RUFY2: variants seen among roughly 807,000 people sequenced by gnomAD.
The protein encoded by RUFY2 is RUN and FYVE domain-containing protein 2.
A neutral mutation model predicts 94.4 loss-of-function variants in RUFY2; 49 were observed. The observed-to-expected ratio is 0.52, with a 90% CI of 0.41 to 0.66. RUFY2 has a LOEUF of 0.66. Among genes scored for constraint, RUFY2 ranks in the 30% least tolerant of loss-of-function variants. RUFY2 has a pLI of 0.00. For synonymous variants in RUFY2, 255 were observed against 235.7 expected (o/e 1.08, Z -0.75); for missense variants, 541 against 692.8 (o/e 0.78, Z 2.46).
downstream of RUFY2, chr10:68,341,181 C>T: frequency 6.4e-7 from 1 of 1,559,922 alleles, no homozygotes; most frequent in Non-Finnish European, 8.6e-7. Context: ...TAGTTCTTCT[C>T]ACCACTAAAT....
At position 68,405,983 on chromosome 10, in the gene RUFY2, A is replaced by G. The variant is rs191754123; in HGVS notation, c.5-1139T>C. ...TATTGTCCTCCTTCCCGCAAATTTTATTCTCAGTTTACTTAGAAATTCAGA... is the reference window on the plus strand; with the variant it reads ...TATTGTCCTCCTTCCCGCAAATTTTGTTCTCAGTTTACTTAGAAATTCAGA... On this transcript the variant is annotated intron_variant, in intron 1 of 17. Coordinates refer to ENST00000602465, the MANE Select transcript of RUFY2 (RefSeq NM_001330103.2). 1.4e-3 allele frequency among the ~76,000 whole-genome samples: 212 copies of G among 152,294 alleles called. 1 individual carries two copies. The highest frequency in any genetic ancestry group is 3.7e-4 in the Non-Finnish European group (25 of 68,006).
At chr10:68,351,794 C>T (rs1277166021) in intron 16 of RUFY2, among the ~76,000 whole-genome samples, 2 of 149,812 alleles carry the variant, frequency 1.3e-5, no homozygotes, top group Non-Finnish European at 3.0e-5. Context: ...AGGTGGCTCA[C>T]GCCTGTAATC....
chr10:68,403,224 G>A (rs1004665987), intron 2 of RUFY2, among the ~76,000 whole-genome samples: 17 of 149,526 alleles, frequency 1.1e-4, no homozygotes, highest in Admixed American at 8.7e-4. Context: ...AAAAAAAACA[G>A]AAAAGGGATA....
At chr10:68,376,793 GC>G in intron 13 of RUFY2, 59 bp downstream of exon 13, 1 of 1,477,786 alleles carries the variant, frequency 6.8e-7, no homozygotes, top group Non-Finnish European at 9.4e-7. Context: ...ATCATTATGT[GC>G]AAAAAAATGA....
chr10:68,366,870 A>AT (rs2047886428), intron 13 of RUFY2, among the ~76,000 whole-genome samples: 2 of 136,588 alleles, frequency 1.5e-5, no homozygotes, highest in Non-Finnish European at 3.1e-5. Context: ...ATATTAAATA[A>AT]ATATATATAT....
At chr10:68,397,007 G>A (rs1564847609) in intron 3 of RUFY2, 126 bp from the exon 4 acceptor site, 5 of 616,392 alleles carry the variant, frequency 8.1e-6, no homozygotes, top group Non-Finnish European at 1.4e-5. Flanking sequence ...ATTTTTATAG[G>A]TTTATCTTTT....
At chr10:68,366,631 A>C (rs148310344) in intron 13 of RUFY2, among the ~76,000 whole-genome samples, 1 of 149,020 alleles carries the variant, frequency 6.7e-6, no homozygotes, top group African/African-American at 2.5e-5. Context: ...AATCCCAGCT[A>C]TTCAGGAGGC....
At chr10:68,403,304 T>G (rs1381085521) in intron 2 of RUFY2, among the ~76,000 whole-genome samples, 1 of 151,970 alleles carries the variant, frequency 6.6e-6, no homozygotes, top group African/African-American at 2.4e-5. Flanking sequence ...TGGGCTGGAA[T>G]GCAGTGGCAC....
intron 1 of RUFY2, chr10:68,405,425 G>A (rs932169739): frequency 2.1e-6 from 2 of 956,318 alleles, no homozygotes; most frequent in African/African-American, 1.8e-5. Context: ...CCATTCTCCT[G>A]TATTTAACTT....
chr10:68,407,056 T>C, intron 1 of RUFY2, 130 bp downstream of exon 1: 7 of 1,471,926 alleles, frequency 4.8e-6, no homozygotes, highest in Non-Finnish European at 6.3e-6. Flanking sequence ...TCCCCGCCCA[T>C]CCTGGGTTCG....
chr10:68,380,243 T>C (rs2048958529), intron 11 of RUFY2, among the ~76,000 whole-genome samples: 4 of 151,970 alleles, frequency 2.6e-5, no homozygotes, highest in Non-Finnish European at 5.9e-5. Context: ...CTGGCCTCTA[T>C]TAGTCCTCAT....
chr10:68,389,164 A>T (rs1255865608), intron 7 of RUFY2, among the ~76,000 whole-genome samples: 1 of 152,142 alleles, frequency 6.6e-6, no homozygotes, highest in Non-Finnish European at 1.5e-5. Flanking sequence ...GCCTCCTAAC[A>T]TGCTAGATTA....
At chr10:68,375,431 A>T (rs923870688) in intron 13 of RUFY2, among the ~76,000 whole-genome samples, 1 of 151,904 alleles carries the variant, frequency 6.6e-6, no homozygotes, top group Non-Finnish European at 1.5e-5. Flanking sequence ...TTACCTAGTA[A>T]CAAGACTTCA....
chr10:68,384,497 T>G (rs752270021), intron 8 of RUFY2, among the ~76,000 whole-genome samples: 1 of 152,186 alleles, frequency 6.6e-6, no homozygotes, highest in East Asian at 1.9e-4. Flanking sequence ...TAGAGAAATA[T>G]GCATTAAATA....
intron 16 of RUFY2, among the ~76,000 whole-genome samples, chr10:68,350,969 C>T (rs985818953): frequency 6.6e-6 from 1 of 152,072 alleles, no homozygotes; most frequent in Non-Finnish European, 1.5e-5. Flanking sequence ...CCTCGGCCTC[C>T]TAAAGTGCTG....
At chr10:68,401,300 C>T (rs1300999038) in intron 3 of RUFY2, among the ~76,000 whole-genome samples, 2 of 152,126 alleles carry the variant, frequency 1.3e-5, no homozygotes, top group Non-Finnish European at 2.9e-5. Flanking sequence ...TACTGACTTT[C>T]TACTACAGGC....
intron 3 of RUFY2, among the ~76,000 whole-genome samples, chr10:68,400,317 CAAAAT>C (rs1301802354): frequency 4.6e-5 from 7 of 150,942 alleles, no homozygotes; most frequent in Non-Finnish European, 1.5e-5. Flanking sequence ...CTGTCCGTCT[CAAAAT>C]AAAATAAAAT....
At chr10:68,404,999 T>C (rs908291501) in intron 1 of RUFY2, among the ~76,000 whole-genome samples, 155 bp from the exon 2 acceptor site, 6 of 152,154 alleles carry the variant, frequency 3.9e-5, no homozygotes, top group African/African-American at 1.2e-4. Context: ...TTAACTTCTC[T>C]TTACATCTCT....
At chr10:68,346,248 C>A in intron 16 of RUFY2, 164 bp from the exon 17 acceptor site, 1 of 595,578 alleles carries the variant, frequency 1.7e-6, no homozygotes, top group East Asian at 3.1e-5. Context: ...ATGGAATTAG[C>A]CTCAAAATAT....
Sources: gnomAD v4.1 joint callset for allele counts (sites outside exome capture counted in the v4.1 genomes callset) on GRCh38, gnomAD v4.1.1 for gene constraint, MANE v1.5 for transcripts, NCBI Gene and HGNC (gene_info 2026-07-23, HGNC 2026-07-21) for gene names.